Variants in ADAMTSL1 observed in about 807,000 individuals in gnomAD.
ADAMTSL1 encodes the protein ADAMTS like 1.
A neutral mutation model predicts 201.8 loss-of-function variants in ADAMTSL1; 126 were observed. That is an observed-to-expected ratio of 0.62 (90% CI 0.54 to 0.72). The LOEUF is 0.72. ADAMTSL1 is among the 30% of genes least tolerant of loss of function. The probability of loss-of-function intolerance (pLI) is 0.00; values close to 1 mark genes in which losing one functional copy is unlikely to be tolerated. For missense variants in ADAMTSL1, 2,679 were observed against 2,277.8 expected, an observed-to-expected ratio of 1.18 and a Z score of -3.59; for synonymous variants, 1,121 against 903.4, an observed-to-expected ratio of 1.24 and a Z score of -4.32.
intron 16 of ADAMTSL1, among the ~76,000 whole-genome samples, chr9:18,761,714 A>C (rs1025195411): frequency 3.9e-5 from 6 of 152,214 alleles, no homozygotes; most frequent in Admixed American, 3.9e-4. Context: ...TCACAAAGTC[A>C]TCACAGACTT....
At chr9:18,599,650 G>A (rs1023775201) in intron 4 of ADAMTSL1, among the ~76,000 whole-genome samples, 2 of 151,838 alleles carry the variant, frequency 1.3e-5, no homozygotes, top group Non-Finnish European at 2.9e-5. Flanking sequence ...CCTGAGTTTC[G>A]TGGCTCTAAA....
chr9:18,531,425 A>G (rs1375146786), intron 2 of ADAMTSL1, among the ~76,000 whole-genome samples: 3 of 151,860 alleles, frequency 2.0e-5, no homozygotes, highest in Non-Finnish European at 4.4e-5. Flanking sequence ...CCTTTTGTCT[A>G]GGACATTGCT....
At chr9:18,178,863 A>G (rs1479069481) in intron 2 of ADAMTSL1, among the ~76,000 whole-genome samples, 5 of 152,100 alleles carry the variant, frequency 3.3e-5, no homozygotes, top group East Asian at 1.9e-4. Context: ...CATCCACACC[A>G]AAAACCCATT....
At chr9:18,826,967 C>T (rs1824612561) in intron 22 of ADAMTSL1, among the ~76,000 whole-genome samples, 1 of 151,960 alleles carries the variant, frequency 6.6e-6, no homozygotes, top group Middle Eastern at 3.2e-3. Context: ...CATAAGAACC[C>T]CTGATTAAAG....
intron 7 of ADAMTSL1, among the ~76,000 whole-genome samples, chr9:18,647,614 A>G (rs1455356112): frequency 2.0e-5 from 3 of 151,810 alleles, no homozygotes; most frequent in Non-Finnish European, 2.9e-5. Flanking sequence ...TTCAAAGAAC[A>G]TCTTTATTTC....
intron 2 of ADAMTSL1, among the ~76,000 whole-genome samples, chr9:18,348,112 T>G (rs1434607910): frequency 6.6e-6 from 1 of 152,214 alleles, no homozygotes; most frequent in African/African-American, 2.4e-5. Context: ...AGATTTAAAT[T>G]TAGCTTCTCA....
intron 1 of ADAMTSL1, among the ~76,000 whole-genome samples, chr9:17,953,988 C>T (rs1177891281): frequency 6.6e-6 from 1 of 152,124 alleles, no homozygotes; most frequent in African/African-American, 2.4e-5. Flanking sequence ...TTTTCTACAT[C>T]ACGTGCCTAT....
chr9:18,654,434 T>A (rs1459182079), intron 7 of ADAMTSL1, among the ~76,000 whole-genome samples: 1 of 152,182 alleles, frequency 6.6e-6, no homozygotes, highest in Admixed American at 6.5e-5. Flanking sequence ...ATAATTCAAT[T>A]GTGTGTTCAT....
intron 2 of ADAMTSL1, among the ~76,000 whole-genome samples, chr9:18,336,848 G>T (rs1041263948): frequency 2.6e-5 from 4 of 152,060 alleles, no homozygotes. Context: ...ATCTCATTGG[G>T]ACCATGTGGG....
intron 10 of ADAMTSL1, among the ~76,000 whole-genome samples, chr9:18,678,452 T>C (rs1435588468): frequency 1.3e-5 from 2 of 152,172 alleles, no homozygotes; most frequent in Non-Finnish European, 2.9e-5. Context: ...TTTCTACGCA[T>C]AGAACTGTAG....
At chr9:18,307,356 C>T (rs560728484) in intron 2 of ADAMTSL1, among the ~76,000 whole-genome samples, 1 of 152,182 alleles carries the variant, frequency 6.6e-6, no homozygotes, top group African/African-American at 2.4e-5. Context: ...TATTAGCCTT[C>T]CATGTAAATG....
chr9:18,221,120 T>C (rs1172860293), intron 2 of ADAMTSL1, among the ~76,000 whole-genome samples: 5 of 152,192 alleles, frequency 3.3e-5, no homozygotes, highest in African/African-American at 1.2e-4. Context: ...AAAGAAAATC[T>C]AAATTAGTAG....
intron 1 of ADAMTSL1, among the ~76,000 whole-genome samples, chr9:18,020,122 G>C (rs1339441077): frequency 1.3e-5 from 2 of 152,024 alleles, no homozygotes; most frequent in Non-Finnish European, 2.9e-5. Flanking sequence ...GCTATACTCA[G>C]TATAGCTTGG....
At chr9:18,776,649 C>CGT in intron 18 of ADAMTSL1, 132 bp from the exon 19 acceptor site, 1 of 1,077,852 alleles carries the variant, frequency 9.3e-7, no homozygotes, top group Non-Finnish European at 1.3e-6. Context: ...TCCCGTCCTC[C>CGT]GGCACCTTCG....
intron 14 of ADAMTSL1, among the ~76,000 whole-genome samples, chr9:18,710,499 G>A (rs1462900836): frequency 6.6e-6 from 1 of 152,054 alleles, no homozygotes; most frequent in Non-Finnish European, 1.5e-5. Flanking sequence ...CTTAGTCTCA[G>A]CACTTCATCA....
chr9:18,711,539 G>A lies in ADAMTSL1; in HGVS notation c.1876+4491G>A, dbSNP rs146941903. Among the ~76,000 whole-genome samples the A allele has an allele frequency of 7.5e-3, 1,140 of 152,338 alleles. 16 individuals are homozygous for A. The highest frequency in any genetic ancestry group is 0.026 in the African/African-American group (1,100 of 41,570). ...CACCCAAATACTGCGCTTTTCCGAC[G>A]GGCTTAAAAAACGGTGCAACAGGAG... On this transcript the variant is annotated intron_variant, in intron 14 of 28. Transcript: ENST00000380548.
At chr9:18,854,706 T>C (rs1826734603) in intron 23 of ADAMTSL1, among the ~76,000 whole-genome samples, 1 of 152,120 alleles carries the variant, frequency 6.6e-6, no homozygotes, top group Non-Finnish European at 1.5e-5. Context: ...AGCTGGGCTC[T>C]AGAAATTAAC....
At chr9:18,261,553 T>C (rs1430216450) in intron 2 of ADAMTSL1, among the ~76,000 whole-genome samples, 1 of 152,182 alleles carries the variant, frequency 6.6e-6, no homozygotes, top group Non-Finnish European at 1.5e-5. Flanking sequence ...TCTGCACATA[T>C]GTTTTTCAAG....
intron 15 of ADAMTSL1, among the ~76,000 whole-genome samples, chr9:18,727,313 T>C (rs1424606221): frequency 2.0e-5 from 3 of 152,248 alleles, no homozygotes; most frequent in Non-Finnish European, 4.4e-5. Flanking sequence ...TTCCATACGC[T>C]GCCTTTTGGC....
Sources: gnomAD v4.1 joint callset for allele counts (sites outside exome capture counted in the v4.1 genomes callset) on GRCh38, gnomAD v4.1.1 for gene constraint, MANE v1.5 for transcripts, NCBI Gene and HGNC (gene_info 2026-07-23, HGNC 2026-07-21) for gene names.